Variants in MYO1H observed in about 807,000 individuals in gnomAD.
The protein encoded by MYO1H is unconventional myosin-Ih.
A neutral mutation model predicts 149.3 loss-of-function variants in MYO1H; 118 were observed. That is an observed-to-expected ratio of 0.79 (90% CI 0.68 to 0.92). The LOEUF (loss-of-function observed/expected upper bound fraction) is 0.92. Ranked by LOEUF, MYO1H falls within the 40% of genes least tolerant of loss-of-function variation. The probability of loss-of-function intolerance (pLI) is 0.00; values close to 1 mark genes in which losing one functional copy is unlikely to be tolerated. For synonymous variants in MYO1H, 447 were observed against 465.2 expected (o/e 0.96, Z 0.50); for missense variants, 1,212 against 1,280.7 (o/e 0.95, Z 0.82).
intron 18 of MYO1H, 122 bp from the exon 19 acceptor site, chr12:109,427,347 C>A (rs1871392433): frequency 1.6e-5 from 9 of 562,414 alleles, no homozygotes; most frequent in Non-Finnish European, 2.6e-5. Context: ...ATTAAGACCT[C>A]ACGAAATGAG....
exon 24 of MYO1H, chr12:109,439,740 A>G (rs1872033612): frequency 2.5e-6 from 4 of 1,613,832 alleles, no homozygotes; most frequent in Non-Finnish European, 3.4e-6. Context: ...TCACCTTCCA[A>G]AGACTGTCCT....
chr12:109,396,538 C>G (rs1869914596), exon 4 of MYO1H: 1 of 1,613,824 alleles, frequency 6.2e-7, no homozygotes, highest in African/African-American at 1.3e-5. Flanking sequence ...CCAGTCACTA[C>G]AAATAGCCCG....
intron 27 of MYO1H, among the ~76,000 whole-genome samples, chr12:109,443,010 ATAT>A (rs373298009): frequency 0.021 from 1,164 of 54,334 alleles, 178 homozygotes; most frequent in Middle Eastern, 0.039. Context: ...AAAAAAAAAA[ATAT>A]ATATATATAT....
chr12:109,417,991 A>G (rs981954789), intron 15 of MYO1H, among the ~76,000 whole-genome samples: 1 of 147,724 alleles, frequency 6.8e-6, no homozygotes, highest in African/African-American at 2.5e-5. Flanking sequence ...AATTTTTTCT[A>G]TTTTGTAGTA....
At chr12:109,358,877 A>G (rs946492278) in intron 1 of MYO1H, among the ~76,000 whole-genome samples, 2 of 150,186 alleles carry the variant, frequency 1.3e-5, no homozygotes, top group Admixed American at 1.3e-4. Flanking sequence ...AAAAGGCTCT[A>G]AGATAAATAT....
chr12:109,405,947 T>G, exon 8 of MYO1H: 1 of 1,612,884 alleles, frequency 6.2e-7, no homozygotes, highest in Non-Finnish European at 8.5e-7. Flanking sequence ...ATTGCCAGTG[T>G]CTTACACCTG....
At chr12:109,312,201 G>GTT in the MYO1H span, among the ~76,000 whole-genome samples, 4 of 132,994 alleles carry the variant, frequency 3.0e-5, no homozygotes, top group South Asian at 2.3e-4. Context: ...AAGAAGTTCA[G>GTT]TTTTTTTTTT....
chr12:109,378,327 A>ATT (rs202089912), intron 1 of MYO1H, among the ~76,000 whole-genome samples: 3 of 147,402 alleles, frequency 2.0e-5, no homozygotes, highest in African/African-American at 5.0e-5. Context: ...TTATTTATTT[A>ATT]TTTATTTTTT....
At chr12:109,350,077 T>C in intron 1 of MYO1H, among the ~76,000 whole-genome samples, 1 of 151,810 alleles carries the variant, frequency 6.6e-6, no homozygotes, top group East Asian at 1.9e-4. Context: ...CAAAGCAAAA[T>C]GAAGAACTGA....
chr12:109,411,976 A>T lies in MYO1H; in HGVS notation c.1493A>T (p.His498Leu), dbSNP rs746535197. The change falls in exon 14 of 32, where the codon CAC becomes CTC. Residue 498 changes from histidine (H) to leucine (L), a missense_variant. His to Leu is a moderately conservative substitution (Grantham distance 99, BLOSUM62 -3). Transcript: ENST00000310903. Reference sequence around the variant, plus strand: ...GAAGAGAAAGTGGGCAAACATGCACACTTCGAAACGTACATACTTTATTTT... The same window carrying T: ...GAAGAGAAAGTGGGCAAACATGCACTCTTCGAAACGTACATACTTTATTTT... 5.7e-6 allele frequency: 9 copies of T among 1,592,108 alleles called. No individual in the cohort carries two copies. In the African/African-American group the frequency reaches 1.2e-4, roughly 21 times the overall value.
At chr12:109,407,270 ATTC>A (rs1870436049) in intron 9 of MYO1H, among the ~76,000 whole-genome samples, 1 of 152,106 alleles carries the variant, frequency 6.6e-6, no homozygotes, top group East Asian at 1.9e-4. Context: ...CATGACTGTG[ATTC>A]TTTGAATGTC....
intron 1 of MYO1H, among the ~76,000 whole-genome samples, chr12:109,380,364 A>C (rs2137024390): frequency 6.6e-6 from 1 of 151,756 alleles, no homozygotes; most frequent in South Asian, 2.1e-4. Flanking sequence ...ATCCGCTGAC[A>C]TAAACGGTAA....
At chr12:109,365,273 C>A (rs1025911620) in intron 1 of MYO1H, among the ~76,000 whole-genome samples, 2 of 152,130 alleles carry the variant, frequency 1.3e-5, no homozygotes, top group African/African-American at 4.8e-5. Flanking sequence ...AAGACCCTGT[C>A]TCTTAAAATA....
At chr12:109,359,421 T>A (rs540211902) in intron 1 of MYO1H, 1 of 152,230 alleles carries the variant, frequency 6.6e-6, no homozygotes, top group Non-Finnish European at 1.5e-5. Flanking sequence ...AAATCTCTAT[T>A]GTTCCCTGTC....
chr12:109,424,690 C>G, intron 16 of MYO1H, 58 bp from the exon 17 acceptor site: 5 of 1,383,720 alleles, frequency 3.6e-6, no homozygotes, highest in Non-Finnish European at 5.1e-6. Context: ...GCCGTCCTGA[C>G]AGCCCTGTAG....
At chr12:109,371,335 G>T (rs2338099) in intron 1 of MYO1H, among the ~76,000 whole-genome samples, 5,759 of 150,078 alleles carry the variant, frequency 0.038, 118 homozygotes, top group Middle Eastern at 0.057. Context: ...TCCTACCTTG[G>T]CCTCCTAAGT....
At chr12:109,443,432 A>G (rs1338192511) in intron 27 of MYO1H, 82 bp from the exon 28 acceptor site, 19 of 1,501,430 alleles carry the variant, frequency 1.3e-5, no homozygotes. Flanking sequence ...TAAATGCTTG[A>G]CATCACTTTA....
intron 21 of MYO1H, 60 bp downstream of exon 21, chr12:109,435,173 G>T (rs906654526): frequency 2.8e-5 from 33 of 1,195,544 alleles, no homozygotes; most frequent in African/African-American, 7.6e-5. Flanking sequence ...GTGGAGCTTG[G>T]GGGTAAATCT....
At chr12:109,379,316 T>C (rs1219311209) in intron 1 of MYO1H, among the ~76,000 whole-genome samples, 1 of 152,256 alleles carries the variant, frequency 6.6e-6, no homozygotes, top group Non-Finnish European at 1.5e-5. Flanking sequence ...CTGGGAATAA[T>C]GTCCATTTTT....
Sources: gnomAD v4.1 joint callset for allele counts (sites outside exome capture counted in the v4.1 genomes callset) on GRCh38, gnomAD v4.1.1 for gene constraint, MANE v1.5 for transcripts, NCBI Gene and HGNC (gene_info 2026-07-23, HGNC 2026-07-21) for gene names.